The following RHO variants were observed in gnomAD, a reference collection of about 807,000 sequenced individuals.
RHO encodes rhodopsin, also known as opsin 2, rod pigment.
RHO carries 21 observed loss-of-function variants against 31.2 expected under a neutral mutation model. The ratio of observed to expected loss-of-function variants is 0.67; its 90% CI spans 0.48 to 0.97. The LOEUF is 0.97. Ranked by LOEUF, RHO falls within the 50% of genes least tolerant of loss-of-function variation. The pLI is 0.00. For missense variants in RHO, 414 were observed against 479.5 expected (o/e 0.86, Z 1.28); for synonymous variants, 211 against 196.6 (o/e 1.07, Z -0.61).
Position 129,532,595 on chromosome 3 carries a change from G to T in RHO, c.759G>T (p.Met253Ile), listed in dbSNP as rs756658659. The T allele has an allele frequency of 3.0e-5, 49 of 1,614,072 alleles. No homozygotes were observed. Among genetic ancestry groups the T allele is most frequent in the Non-Finnish European group, 3.9e-5 (46 of 1,180,046 alleles). The change falls in exon 4 of 5, where the codon ATG becomes ATT. Residue 253 changes from methionine (M) to isoleucine (I), a missense_variant. Transcript: ENST00000296271. The surrounding 1 kb of genome is among the most constrained non-coding windows in gnomAD (Gnocchi z 5.5). ...TQKAEKEVTR[M>I]VIIMVIAFLI... ...AGGCAGAGAAGGAGGTCACCCGCAT[G>T]GTCATCATCATGGTCATCGCTTTCC...
At chr3:129,533,572 C>T in intron 4 of RHO, 36 bp from the exon 5 acceptor site, 1 of 1,477,816 alleles carries the variant, frequency 6.8e-7, no homozygotes, top group African/African-American at 1.4e-5. Context: ...ACACTGTGGG[C>T]AGCCCTGGCC....
rs757524357 is a variant in RHO at position 129,531,736 on chromosome 3, C to A, written c.531-515C>A. Among the ~76,000 whole-genome samples the A allele has an allele frequency of 3.9e-5, 6 of 152,332 alleles. No homozygotes were observed. In the East Asian group the frequency reaches 5.8e-4, roughly 15 times the overall value. On this transcript the variant is annotated intron_variant, in intron 2 of 4. Transcript: ENST00000296271. ...TGGACGCTCTGGGTTTCCTGAGGCC[C>A]GTCCACTGTCACCAATATCAGGAAC...
Position 129,532,580 on chromosome 3 carries a change from G to T in RHO, c.744G>T (p.Lys248Asn), listed in dbSNP as rs141185480. ...CAGCCACCACACAGAAGGCAGAGAA[G>T]GAGGTCACCCGCATGGTCATCATCA... ...QESATTQKAE[K>N]EVTRMVIIMV... Residue 248 changes from lysine to asparagine, a missense_variant, in exon 4 of 5, where the codon AAG (lysine) becomes AAT (asparagine). By Grantham distance (94) the Lys-to-Asn change is moderately conservative (BLOSUM62 0). Transcript: ENST00000296271. This position sits in a 1 kb window ranked among gnomAD's most constrained non-coding sequence, Gnocchi z 5.5. 3 of 1,614,174 alleles carry T rather than the reference G, an allele frequency of 1.9e-6. No homozygotes were observed. Among genetic ancestry groups the T allele is most frequent in the South Asian group, 2.2e-5 (2 of 91,078 alleles).
At position 129,533,652 on chromosome 3, in the gene RHO, A is replaced by T. The variant is rs1476179838; in HGVS notation, c.981A>T (p.Pro327=). ...MLTTICCGKN[P]LGDDEASATV... ...CCACCATCTGCTGCGGCAAGAACCC[A>T]CTGGGTGACGATGAGGCCTCTGCTA... Residue 327 remains proline, a synonymous_variant, in exon 5 of 5, where the codon CCA becomes CCT. Coordinates refer to ENST00000296271, the MANE Select transcript of RHO (RefSeq NM_000539.3). 2.7e-5 allele frequency: 44 copies of T among 1,613,842 alleles called. No homozygotes were observed. The highest frequency in any genetic ancestry group is 3.6e-5 in the Non-Finnish European group (42 of 1,179,990).
In RHO at chr3:129,532,380, T is replaced by G. The variant is rs141956356; in HGVS notation, c.660T>G (p.Phe220Leu). 91 of 1,613,974 alleles carry G rather than the reference T, an allele frequency of 5.6e-5. No individual in the cohort carries two copies. The highest frequency in any genetic ancestry group is 1.6e-4 in the Middle Eastern group (1 of 6,084). ...TCACCATCCCCATGATTATCATCTT[T>G]TTCTGCTATGGGCAGCTCGTCTTCA... ...VHFTIPMIII[F>L]FCYGQLVFTV... Residue 220 changes from phenylalanine (F) to leucine (L), a missense_variant, in exon 3 of 5, where the codon TTT (phenylalanine) becomes TTG (leucine). By Grantham distance (22) the Phe-to-Leu change is conservative. Coordinates refer to ENST00000296271, the MANE Select transcript of RHO (RefSeq NM_000539.3). This position sits in a 1 kb window ranked among gnomAD's most constrained non-coding sequence, Gnocchi z 5.5.
intron 2 of RHO, among the ~76,000 whole-genome samples, chr3:129,531,598 T>A (rs2084780387): frequency 6.6e-6 from 1 of 152,196 alleles, no homozygotes; most frequent in South Asian, 2.1e-4. Context: ...CCTTTCCTCC[T>A]CAGTCTTGCT....
Position 129,533,812 on chromosome 3 carries a change from C to A in RHO, c.*94C>A. ...CATCCCACCAGGAGCAGCGCCTGTG[C>A]AGAATGAACGAAGTCACATAGGCTC... On this transcript the variant is annotated 3_prime_UTR_variant, in exon 5 of 5. Transcript: ENST00000296271. The A allele has an allele frequency of 3.4e-6, 3 of 884,960 alleles. No individual in the cohort carries two copies. Among genetic ancestry groups the A allele is most frequent in the South Asian group, 2.6e-5 (2 of 75,770 alleles). 54.8% of individuals were successfully genotyped at this position (884,960 alleles called of 1,614,324 possible). A position where few individuals can be genotyped will look rare whatever the true frequency, so the allele number is the denominator to read the frequency against.
rs1200695176 is a variant in RHO, at chr3:129,533,697, G to A, written c.1026G>A (p.Thr342=). 6 of 1,613,750 alleles carry A rather than the reference G, an allele frequency of 3.7e-6. No individual in the cohort carries two copies. The Admixed American group carries it at 6.7e-5, about 18-fold the overall frequency. Residue 342 remains threonine, a synonymous_variant, in exon 5 of 5, where the codon ACG becomes ACA. Transcript: ENST00000296271. ...EASATVSKTE[T]SQVAPA ...CTGCTACCGTGTCCAAGACGGAGAC[G>A]AGCCAGGTGGCCCCGGCCTAAGACC...
rs747620121 is a variant in RHO, at chr3:129,528,709, C to T, written c.-25C>T. ...CAGCATTCTTGGGTGGGAGCAGCCA[C>T]GGGTCAGCCACAAGGGCCACAGCCA... On this transcript the variant is annotated 5_prime_UTR_variant, in exon 1 of 5. The change creates a new upstream start codon in the 5' untranslated region. Transcript: ENST00000296271. 24 of 1,613,714 alleles carry T rather than the reference C, an allele frequency of 1.5e-5. No individual in the cohort carries two copies. Among genetic ancestry groups the T allele is most frequent in the South Asian group, 5.5e-5 (5 of 91,052 alleles).
intron 1 of RHO, among the ~76,000 whole-genome samples, chr3:129,529,394 G>A (rs560370759): frequency 2.6e-5 from 4 of 152,262 alleles, no homozygotes; most frequent in South Asian, 2.1e-4. Flanking sequence ...CTGCTGGGGC[G>A]TCACACAGGG....
intron 4 of RHO, 107 bp from the exon 5 acceptor site, chr3:129,533,501 C>T (rs1022578791): frequency 5.8e-6 from 5 of 861,598 alleles, no homozygotes; most frequent in Admixed American, 3.4e-5. Flanking sequence ...GCGCTGGAAT[C>T]GTGAGGGGCA....
chr3:129,533,547 G>T, intron 4 of RHO, 61 bp from the exon 5 acceptor site: 3 of 1,240,600 alleles, frequency 2.4e-6, no homozygotes, highest in Non-Finnish European at 3.6e-6. Flanking sequence ...CCTCACTAAC[G>T]TGCCAGTTCC....
Position 129,534,837 on chromosome 3 carries a change from T to G in RHO, c.*1119T>G, listed in dbSNP as rs2084810375. On this transcript the variant is annotated 3_prime_UTR_variant, in exon 5 of 5. Transcript: ENST00000296271. ...CACCCGCCCACATTTAATTAACAGCTGAGTCCCTGATGTCATCCTTATCTC... is the reference window on the plus strand; with the variant it reads ...CACCCGCCCACATTTAATTAACAGCGGAGTCCCTGATGTCATCCTTATCTC... 6.6e-6 allele frequency: 1 copy of G among 152,650 alleles called. No homozygotes were observed. The highest frequency in any genetic ancestry group is 1.5e-5 in the Non-Finnish European group (1 of 68,042). The allele number at this position is 152,650 out of a possible 1,614,324, so 9.5% of individuals were successfully genotyped here.
rs763728621 is a variant in RHO, at chr3:129,534,376, A to G, written c.*658A>G. The G allele has an allele frequency of 6.6e-6, 1 of 152,384 alleles. No individual in the cohort carries two copies. The highest frequency in any genetic ancestry group is 1.5e-5 in the Non-Finnish European group (1 of 68,178). 9.4% of individuals were successfully genotyped at this position (152,384 alleles called of 1,614,324 possible). ...GTACAGATTCTAGTTAATGTTGTGA[A>G]TAACATCAATTAATGTAACTAGTTA... On this transcript the variant is annotated 3_prime_UTR_variant, in exon 5 of 5. Coordinates refer to ENST00000296271, the MANE Select transcript of RHO (RefSeq NM_000539.3).
At position 129,532,298 on chromosome 3, in the gene RHO, C is replaced by T. The variant is rs373974298; in HGVS notation, c.578C>T (p.Thr193Met). The change falls in exon 3 of 5, where the codon ACG (threonine) becomes ATG (methionine). Residue 193 changes from threonine (T) to methionine (M), a missense_variant. Physicochemically the swap from Thr to Met is moderately conservative, Grantham distance 81. Transcript: ENST00000296271. The surrounding 1 kb of genome is among the most constrained non-coding windows in gnomAD (Gnocchi z 5.5). ...LQCSCGIDYY[T>M]LKPEVNNESF... ...TGCTCGTGTGGAATCGACTACTACA[C>T]GCTCAAGCCGGAGGTCAACAACGAG... 3.1e-5 allele frequency: 50 copies of T among 1,613,984 alleles called. No homozygotes were observed. Among genetic ancestry groups the T allele is most frequent in the African/African-American group, 2.0e-4 (15 of 74,922 alleles).
chr3:129,531,642 C>T (rs2084780569), intron 2 of RHO, among the ~76,000 whole-genome samples: 1 of 152,176 alleles, frequency 6.6e-6, no homozygotes, highest in Admixed American at 6.5e-5. Context: ...TGAATTTGAG[C>T]CCACCCCCTG....
chr3:129,534,506 A>C lies in RHO; in HGVS notation c.*788A>C, dbSNP rs1161955182. On this transcript the variant is annotated 3_prime_UTR_variant, in exon 5 of 5. Coordinates refer to ENST00000296271, the MANE Select transcript of RHO (RefSeq NM_000539.3). ...GCAGGTTTTTAAAAATTAGCTAGGC[A>C]TCAAGGCCAGACCAGGGCTGGGGGT... 6.6e-6 allele frequency: 1 copy of C among 152,294 alleles called. No homozygotes were observed. 9.4% of individuals were successfully genotyped at this position (152,294 alleles called of 1,614,324 possible). A position where few individuals can be genotyped will look rare whatever the true frequency, so the allele number is the denominator to read the frequency against.
chr3:129,531,411 C>G (rs964678553), intron 2 of RHO, among the ~76,000 whole-genome samples: 2 of 152,198 alleles, frequency 1.3e-5, no homozygotes, highest in African/African-American at 2.4e-5. Flanking sequence ...CTTCCTAGTG[C>G]AGGTGGCCAT....
At chr3:129,531,580 C>T (rs1231341641) in intron 2 of RHO, among the ~76,000 whole-genome samples, 1 of 152,220 alleles carries the variant, frequency 6.6e-6, no homozygotes, top group Non-Finnish European at 1.5e-5. Flanking sequence ...AATTCCCACT[C>T]TCACTTCCCT....
Sources: allele counts gnomAD v4.1 joint callset (sites outside exome capture counted in the v4.1 genomes callset), GRCh38; gene constraint gnomAD v4.1.1; non-coding constraint Gnocchi (gnomAD v3.1); transcripts MANE v1.5; gene names NCBI Gene and HGNC (gene_info 2026-07-23, HGNC 2026-07-21).